The following CEACAM4 variants were observed in gnomAD, a reference collection of about 807,000 sequenced individuals.
CEACAM4 encodes CEA cell adhesion molecule 4.
CEACAM4 carries 30 observed loss-of-function variants against 28.7 expected under a neutral mutation model. The observed-to-expected ratio is 1.05, with a 90% CI of 0.78 to 1.42. The LOEUF (loss-of-function observed/expected upper bound fraction) is 1.42. Ranked by LOEUF, CEACAM4 falls within the 40% of genes most tolerant of loss-of-function variation. The pLI is 0.00. For missense variants in CEACAM4, 330 were observed against 308.2 expected (o/e 1.07, Z -0.53); for synonymous variants, 143 against 126.5 (o/e 1.13, Z -0.87).
At chr19:41,614,134 G>T (rs1331861297), downstream of CEACAM4, among the ~76,000 whole-genome samples, 1 of 152,158 alleles carries the variant, frequency 6.6e-6, no homozygotes, top group Non-Finnish European at 1.5e-5. Flanking sequence ...GCTACACTAT[G>T]ATCTTTTACC....
chr19:41,616,332 G>A (rs145863605), downstream of CEACAM4, among the ~76,000 whole-genome samples: 27 of 152,200 alleles, frequency 1.8e-4, no homozygotes, highest in African/African-American at 4.6e-4. Context: ...GCTCTCGGCC[G>A]CGGTGTGGAT....
chr19:41,626,043 T>C, intron 1 of CEACAM4, 83 bp from the exon 2 acceptor site: 1 of 1,263,468 alleles, frequency 7.9e-7, no homozygotes. Context: ...TCAGCAGGTC[T>C]CCTCATCCCT....
downstream of CEACAM4, among the ~76,000 whole-genome samples, chr19:41,615,194 TGAG>T (rs2070970970): frequency 6.6e-6 from 1 of 151,744 alleles, no homozygotes; most frequent in African/African-American, 2.4e-5. Context: ...GTCACAGATA[TGAG>T]GAGGAGTGGG....
At chr19:41,622,853 T>TATATATATAGATAG (rs201784352) in intron 2 of CEACAM4, among the ~76,000 whole-genome samples, 3 of 132,244 alleles carry the variant, frequency 2.3e-5, no homozygotes, top group African/African-American at 9.3e-5. Context: ...TATACATATA[T>TATATATATAGATAG]ATAGATAGAT....
intron 6 of CEACAM4, 52 bp from the exon 7 acceptor site, chr19:41,619,447 T>G (rs782730212): frequency 6.2e-7 from 1 of 1,603,134 alleles, no homozygotes; most frequent in Admixed American, 1.7e-5. Flanking sequence ...CAGAACAGTG[T>G]CTGGCATCTC....
chr19:41,619,414 G>C lies in CEACAM4; in HGVS notation c.670-19C>G. ...GCAATTCCTGTAAAAACAGAGAAGA[G>C]GCCTCAACCCCTGTAGCCTTCTCAG... is the stretch of plus-strand genomic sequence containing the variant. On this transcript the variant is annotated intron_variant, in intron 6 of 6. Transcript: ENST00000221954. 6.2e-7 allele frequency: 1 copy of C among 1,612,824 alleles called. No individual in the cohort carries two copies. Among genetic ancestry groups the C allele is most frequent in the Non-Finnish European group, 8.5e-7 (1 of 1,178,880 alleles).
At chr19:41,623,644 T>C (rs2071457859) in intron 2 of CEACAM4, among the ~76,000 whole-genome samples, 1 of 151,874 alleles carries the variant, frequency 6.6e-6, no homozygotes, top group African/African-American at 2.4e-5. Flanking sequence ...TGGGACATGA[T>C]GGCTAGAGGG....
intron 1 of CEACAM4, among the ~76,000 whole-genome samples, chr19:41,626,500 A>G (rs1326569826): frequency 6.6e-6 from 1 of 152,210 alleles, no homozygotes; most frequent in Non-Finnish European, 1.5e-5. Flanking sequence ...GTTCATGAGC[A>G]TTCTCAGGGC....
downstream of CEACAM4, among the ~76,000 whole-genome samples, chr19:41,614,039 G>A (rs1477435538): frequency 6.6e-6 from 1 of 152,238 alleles, no homozygotes; most frequent in African/African-American, 2.4e-5. Context: ...CATTCTGTTA[G>A]GTGCAGCATG....
chr19:41,622,634 C>A (rs2071361114), intron 2 of CEACAM4, among the ~76,000 whole-genome samples: 1 of 152,142 alleles, frequency 6.6e-6, no homozygotes, highest in African/African-American at 2.4e-5. Context: ...GGTCACAGAA[C>A]TCGTACATGA....
At chr19:41,624,693 C>G (rs782382347) in intron 2 of CEACAM4, among the ~76,000 whole-genome samples, 1 of 152,164 alleles carries the variant, frequency 6.6e-6, no homozygotes, top group South Asian at 2.1e-4. Flanking sequence ...CTGCCAGCTG[C>G]GATCTGCCCA....
intron 2 of CEACAM4, among the ~76,000 whole-genome samples, chr19:41,624,355 T>C (rs191903486): frequency 1.3e-3 from 194 of 152,268 alleles, no homozygotes; most frequent in African/African-American, 4.5e-3. Context: ...AGTCCTCCCC[T>C]TTATCCTCCT....
intron 3 of CEACAM4, among the ~76,000 whole-genome samples, chr19:41,621,206 T>C (rs1285381395): frequency 6.6e-6 from 1 of 152,034 alleles, no homozygotes; most frequent in Non-Finnish European, 1.5e-5. Context: ...TCAATCACGA[T>C]GGGGTGCTGA....
chr19:41,620,946 G>T (rs1555801164), intron 3 of CEACAM4, among the ~76,000 whole-genome samples: 1 of 151,970 alleles, frequency 6.6e-6, no homozygotes, highest in Non-Finnish European at 1.5e-5. Context: ...AAGGGTCAAG[G>T]CCCCAGAGGG....
At position 41,625,964 on chromosome 19, in the gene CEACAM4, G is replaced by A. The variant is rs1568661986; in HGVS notation, c.65-4C>T. ...TGCCAGAAGGTTAAAAGTGAGGCTA[G>A]GAGGTGAAGACAGCATCAGTCAATA... On this transcript the variant is annotated splice_region_variant and splice_polypyrimidine_tract_variant and intron_variant, in intron 1 of 6. Coordinates refer to ENST00000221954, the MANE Select transcript of CEACAM4 (RefSeq NM_001817.4). 6.2e-7 allele frequency: 1 copy of A among 1,604,222 alleles called. No individual in the cohort carries two copies. Among genetic ancestry groups the A allele is most frequent in the Non-Finnish European group, 8.5e-7 (1 of 1,174,564 alleles).
At chr19:41,623,608 C>T (rs2071455242) in intron 2 of CEACAM4, among the ~76,000 whole-genome samples, 1 of 151,514 alleles carries the variant, frequency 6.6e-6, no homozygotes, top group African/African-American at 2.4e-5. Flanking sequence ...GTCACAAGTG[C>T]CTCTCAGTTT....
At chr19:41,625,388 C>T (rs1384447977) in intron 2 of CEACAM4, among the ~76,000 whole-genome samples, 2 of 152,078 alleles carry the variant, frequency 1.3e-5, no homozygotes, top group Non-Finnish European at 2.9e-5. Flanking sequence ...GGCCCCCCCG[C>T]CCCCGCCATC....
chr19:41,619,558 G>A, intron 6 of CEACAM4, 112 bp downstream of exon 6: 1 of 1,547,306 alleles, frequency 6.5e-7, no homozygotes, highest in East Asian at 2.4e-5. Context: ...ACCACCACCT[G>A]TTCTCATTTT....
chr19:41,625,832 A>C lies in CEACAM4; in HGVS notation c.193T>G (p.Tyr65Asp). The change falls in exon 2 of 7, where the codon TAT (tyrosine) becomes GAT (aspartate). Residue 65 changes from tyrosine (Y) to aspartate (D), a missense_variant. Transcript: ENST00000221954. Reference protein sequence around the residue: ...ACNISETIQAYYWHKGKTAEG... With the variant: ...ACNISETIQADYWHKGKTAEG... ...GCCGTTTTCCCCTTGTGCCAATAAT[A>C]GGCTTGAATAGTTTCTGAAATATTG... 6.2e-7 allele frequency: 1 copy of C among 1,613,954 alleles called. No homozygotes were observed. Among genetic ancestry groups the C allele is most frequent in the Non-Finnish European group, 8.5e-7 (1 of 1,179,996 alleles).
Sources: allele counts gnomAD v4.1 joint callset (sites outside exome capture counted in the v4.1 genomes callset), GRCh38; gene constraint gnomAD v4.1.1; transcripts MANE v1.5; gene names NCBI Gene and HGNC (gene_info 2026-07-23, HGNC 2026-07-21).